RIF1: variants seen among roughly 807,000 people sequenced by gnomAD.
The protein encoded by RIF1 is telomere-associated protein RIF1.
In RIF1, 45 loss-of-function variants were observed where a neutral mutation model predicts 247.1. The observed-to-expected ratio is 0.18, with a 90% CI of 0.14 to 0.23. RIF1 has a LOEUF of 0.23. Ranked by LOEUF, RIF1 falls within the 10% of genes least tolerant of loss-of-function variation. The probability of loss-of-function intolerance (pLI) is 1.00; values close to 1 mark genes in which losing one functional copy is unlikely to be tolerated. For synonymous variants in RIF1, 1,087 were observed against 978.8 expected, an observed-to-expected ratio of 1.11 and a Z score of -2.06; for missense variants, 2,967 against 2,862.5, an observed-to-expected ratio of 1.04 and a Z score of -0.83.
chr2:151,463,739 A>C lies in RIF1; in HGVS notation c.4219A>C (p.Ile1407Leu), dbSNP rs748783468. 4 of 1,613,960 alleles carry C rather than the reference A, an allele frequency of 2.5e-6. No homozygotes were observed. The African/African-American group carries it at 5.3e-5, about 22-fold the overall frequency. The change falls in exon 30 of 36, where the codon ATA (isoleucine) becomes CTA (leucine). Residue 1407 changes from isoleucine to leucine, a missense_variant. Around this residue, in one of 7 missense-constraint regions of RIF1, gnomAD observed 2,028 missense variants for 1,825.6 expected, o/e 1.11. Transcript: ENST00000444746. ...QMVNEDSQVQ[I>L]TPNQKTLRRS... ...GGTAAATGAGGATAGTCAGGTTCAG[A>C]TAACTCCAAATCAGAAAACCCTTAG...
At chr2:151,512,718 G>A, downstream of RIF1, 2 of 1,578,290 alleles carry the variant, frequency 1.3e-6, no homozygotes, top group Non-Finnish European at 1.7e-6. Context: ...GTGATGGCAT[G>A]ACGAATGTCC....
chr2:151,493,251 T>A, intron 9 of RIF1: 1 of 918,938 alleles, frequency 1.1e-6, no homozygotes, highest in South Asian at 1.6e-5. Flanking sequence ...TCTTTTAAAA[T>A]TTTAGTGTGT....
At chr2:151,425,366 A>G (rs1431414515) in intron 8 of RIF1, among the ~76,000 whole-genome samples, 2 of 152,078 alleles carry the variant, frequency 1.3e-5, no homozygotes, top group African/African-American at 4.8e-5. Context: ...GGTAATATCC[A>G]TTGCAGAGTT....
intron 35 of RIF1, 149 bp from the exon 36 acceptor site, chr2:151,474,708 T>C: frequency 3.2e-6 from 2 of 615,488 alleles, no homozygotes; most frequent in Admixed American, 3.0e-5. Flanking sequence ...GCAGCTCTGG[T>C]AGATTTTTTT....
At chr2:151,472,008 A>C (rs2048573318) in intron 34 of RIF1, among the ~76,000 whole-genome samples, 2 of 152,052 alleles carry the variant, frequency 1.3e-5, no homozygotes, top group African/African-American at 4.8e-5. Context: ...ATGAGCATGG[A>C]ATGTTCTTCC....
chr2:151,525,174 T>C, the RIF1 span: 6 of 1,613,396 alleles, frequency 3.7e-6, no homozygotes, highest in South Asian at 5.5e-5. Context: ...TCACTTTGCT[T>C]CTTGGCCACT....
chr2:151,519,835 A>G, the RIF1 span: 1 of 1,039,028 alleles, frequency 9.6e-7, no homozygotes, highest in Non-Finnish European at 1.5e-6. Context: ...GGGGAATAGT[A>G]GAAACACAAA....
chr2:151,474,656 A>G (rs997696748), intron 35 of RIF1, among the ~76,000 whole-genome samples: 40 of 152,194 alleles, frequency 2.6e-4, no homozygotes, highest in Admixed American at 2.5e-3. Context: ...AGCCTGGGCA[A>G]TAGAATGAGG....
chr2:151,446,219 G>T (rs779710212), intron 19 of RIF1, among the ~76,000 whole-genome samples: 1 of 149,034 alleles, frequency 6.7e-6, no homozygotes, highest in Non-Finnish European at 1.5e-5. Flanking sequence ...TGTTGACCTC[G>T]AACTCCTGAC....
the RIF1 span, among the ~76,000 whole-genome samples, chr2:151,531,372 A>C: frequency 7.9e-6 from 1 of 127,186 alleles, no homozygotes; most frequent in South Asian, 2.4e-4. Context: ...GCTGGAGTGC[A>C]GTGGCATGAT....
intron 9 of RIF1, chr2:151,490,396 C>G (rs745909054): frequency 6.3e-7 from 1 of 1,592,458 alleles, no homozygotes; most frequent in East Asian, 2.3e-5. Context: ...AAGACACCCC[C>G]GTCGCTGTAA....
Position 151,442,054 on chromosome 2 carries a change from T to TTTTATTTTATTTTATTTTAA in RIF1, c.1734+82_1734+83insATTTATTTTATTTTATTTTA, listed in dbSNP as rs1219759474. 3.7e-4 allele frequency: 91 copies of TTTTATTTTATTTTATTTTAA among 247,322 alleles called. 1 individual carries two copies. Among genetic ancestry groups the TTTTATTTTATTTTATTTTAA allele is most frequent in the African/African-American group, 1.9e-3 (81 of 42,086 alleles). 15.3% of individuals were successfully genotyped at this position (247,322 alleles called of 1,614,324 possible). Reference sequence around the variant, plus strand: ...AAAACATTTATACTTCCCTTTTTTATTTTATTTTATTTTATTTTATTTTAT... The same window carrying TTTTATTTTATTTTATTTTAA: ...AAAACATTTATACTTCCCTTTTTTATTTTATTTTATTTTATTTTAATTTATTTTATTTTATTTTATTTTAT... On this transcript the variant is annotated intron_variant, in intron 16 of 35. Transcript: ENST00000444746.
At chr2:151,505,422 G>T in intron 12 of RIF1, 2 of 1,395,908 alleles carry the variant, frequency 1.4e-6, no homozygotes, top group South Asian at 1.2e-5. Flanking sequence ...GAGCACCAGG[G>T]TAGCAATTGA....
Position 151,456,600 on chromosome 2 carries a change from T to C in RIF1, c.2632T>C (p.Tyr878His), listed in dbSNP as rs1029958446. Residue 878 changes from tyrosine (Y) to histidine (H), a missense_variant, in exon 23 of 36, where the codon TAT becomes CAT. Tyr to His is a moderately conservative substitution (Grantham distance 83). Coordinates refer to ENST00000444746, the MANE Select transcript of RIF1 (RefSeq NM_018151.5). Reference protein sequence around the residue: ...NSKLDEVPKVYSCLNNKLEKL... With the variant: ...NSKLDEVPKVHSCLNNKLEKL... ...TAGGCTTGATGAAGTTCCTAAAGTATATAGTTGTCTGAACAACAAGGTAAA... is the reference window on the plus strand; with the variant it reads ...TAGGCTTGATGAAGTTCCTAAAGTACATAGTTGTCTGAACAACAAGGTAAA... 6.6e-7 allele frequency: 1 copy of C among 1,524,382 alleles called. No homozygotes were observed. Among genetic ancestry groups the C allele is most frequent in the Non-Finnish European group, 9.0e-7 (1 of 1,109,940 alleles). 94.4% of individuals were successfully genotyped at this position (1,524,382 alleles called of 1,614,324 possible).
chr2:151,426,659 GT>G (rs201896640), intron 8 of RIF1, among the ~76,000 whole-genome samples: 14 of 145,822 alleles, frequency 9.6e-5, no homozygotes, highest in Middle Eastern at 3.5e-3. Context: ...TTTATTTAGG[GT>G]TTTTTTTTTG....
chr2:151,519,031 G>A, the RIF1 span: 73 of 1,613,514 alleles, frequency 4.5e-5, no homozygotes, highest in Middle Eastern at 4.9e-4. Context: ...TGTCAGTCAC[G>A]GGTTTGTGAA....
intron 27 of RIF1, 106 bp downstream of exon 27, chr2:151,461,395 T>G: frequency 1.0e-6 from 1 of 992,366 alleles, no homozygotes; most frequent in South Asian, 1.6e-5. Flanking sequence ...GTACTAATTT[T>G]TTTTTTTTTT....
chr2:151,527,365 C>T, the RIF1 span: 8 of 881,914 alleles, frequency 9.1e-6, no homozygotes, highest in East Asian at 2.7e-5. Context: ...CTCTCCTTCT[C>T]GGATCTCAAA....
In RIF1 at chr2:151,468,511, G is replaced by GATC. The variant is rs1390519570; in HGVS notation, c.6787_6789dup (p.Ser2263dup). 6.2e-7 allele frequency: 1 copy of GATC among 1,613,550 alleles called. No homozygotes were observed. Among genetic ancestry groups the GATC allele is most frequent in the Non-Finnish European group, 8.5e-7 (1 of 1,179,670 alleles). On this transcript the variant is annotated inframe_insertion, in exon 32 of 36. Coordinates refer to ENST00000444746, the MANE Select transcript of RIF1 (RefSeq NM_018151.5). ...TCAGCCAAAGGATTTCTGTCCCCAG[G>GATC]ATCACGTAGCCCTAAATTTAAGAGC...
Sources: gnomAD v4.1 joint callset for allele counts (sites outside exome capture counted in the v4.1 genomes callset) on GRCh38, gnomAD v4.1.1 for gene constraint, gnomAD v4.1.1 regional missense constraint, MANE v1.5 for transcripts, NCBI Gene and HGNC (gene_info 2026-07-23, HGNC 2026-07-21) for gene names.